Variants in RAP1GDS1 observed in about 807,000 individuals in gnomAD.
The protein encoded by RAP1GDS1 is Rap1 GTPase-GDP dissociation stimulator 1.
Under a neutral mutation model 71.1 loss-of-function variants are expected in RAP1GDS1, and 35 were observed. The observed-to-expected ratio is 0.49, with a 90% confidence interval of 0.38 to 0.65. The LOEUF is 0.65. RAP1GDS1 is among the 30% of genes least tolerant of loss of function. RAP1GDS1 has a pLI of 0.00. For missense variants in RAP1GDS1, 663 were observed against 706.1 expected (o/e 0.94, Z 0.69); for synonymous variants, 229 against 243.1 (o/e 0.94, Z 0.54).
intron 2 of RAP1GDS1, among the ~76,000 whole-genome samples, chr4:98,332,553 T>TGCATGGG (rs1391235939): frequency 6.6e-6 from 1 of 152,204 alleles, no homozygotes; most frequent in Non-Finnish European, 1.5e-5. Context: ...AAGGCAATGA[T>TGCATGGG]GCATGACCTG....
chr4:98,424,878 C>T (rs973311300), intron 12 of RAP1GDS1, among the ~76,000 whole-genome samples: 9 of 152,044 alleles, frequency 5.9e-5, no homozygotes, highest in African/African-American at 2.2e-4. Flanking sequence ...ATACAAGAAG[C>T]TCAAAGAATA....
In RAP1GDS1 at chr4:98,436,993, C is replaced by A. The variant is rs1561019680; in HGVS notation, c.1621C>A (p.Leu541Met). The change falls in exon 14 of 15, where the codon CTG (leucine) becomes ATG (methionine). Residue 541 changes from leucine (L) to methionine (M), a missense_variant. Transcript: ENST00000408927. ...SAKLVQILHR[L>M]LADERSAPEI... The stretch of plus-strand genomic sequence containing the variant: ...TAAACTTGTACAGATTTTACATAGA[C>A]TGCTAGCAGATGAGAGAAGTGCTCC... 6 of 1,612,712 alleles carry A rather than the reference C, an allele frequency of 3.7e-6. No individual in the cohort carries two copies. Among genetic ancestry groups the A allele is most frequent in the Non-Finnish European group, 5.1e-6 (6 of 1,179,560 alleles).
At chr4:98,393,561 A>G (rs1398085431) in intron 6 of RAP1GDS1, among the ~76,000 whole-genome samples, 1 of 152,248 alleles carries the variant, frequency 6.6e-6, no homozygotes, top group African/African-American at 2.4e-5. Flanking sequence ...AAAGTGTAAC[A>G]GAAACATGAT....
chr4:98,280,186 T>G (rs1724849231), intron 1 of RAP1GDS1, among the ~76,000 whole-genome samples: 1 of 152,232 alleles, frequency 6.6e-6, no homozygotes, highest in Non-Finnish European at 1.5e-5. Context: ...ATCGCCACAC[T>G]GTTTTCCACA....
intron 1 of RAP1GDS1, among the ~76,000 whole-genome samples, chr4:98,270,317 C>A (rs1456381245): frequency 6.6e-6 from 1 of 152,098 alleles, no homozygotes; most frequent in Non-Finnish European, 1.5e-5. Flanking sequence ...GTTATAAAAG[C>A]CTGTGATTCC....
intron 12 of RAP1GDS1, among the ~76,000 whole-genome samples, chr4:98,430,805 C>G (rs1253439218): frequency 6.6e-6 from 1 of 152,166 alleles, no homozygotes; most frequent in Non-Finnish European, 1.5e-5. Flanking sequence ...ACAGCTCTCT[C>G]CTTGTGTTGT....
intron 1 of RAP1GDS1, among the ~76,000 whole-genome samples, chr4:98,265,078 A>T (rs1179553763): frequency 1.3e-5 from 2 of 152,244 alleles, no homozygotes; most frequent in Non-Finnish European, 2.9e-5. Flanking sequence ...TCTGTGGTAT[A>T]GGAAAATTTG....
intron 1 of RAP1GDS1, among the ~76,000 whole-genome samples, chr4:98,265,802 AAGGTCTGTTTTTTCAGAACAGTC>A (rs1259400880): frequency 2.6e-5 from 4 of 152,256 alleles, no homozygotes; most frequent in African/African-American, 9.6e-5. Context: ...AATAGTTAAT[AAGGTCTGTTTTTTCAGAACAGTC>A]AGGAGGGTGA....
At chr4:98,317,717 G>A (rs1731145890) in intron 2 of RAP1GDS1, among the ~76,000 whole-genome samples, 1 of 152,092 alleles carries the variant, frequency 6.6e-6, no homozygotes, top group Admixed American at 6.6e-5. Context: ...GTGCCTTAGT[G>A]TGGGGTATGG....
chr4:98,360,179 T>C (rs535041321), intron 4 of RAP1GDS1, among the ~76,000 whole-genome samples: 21 of 152,310 alleles, frequency 1.4e-4, no homozygotes, highest in African/African-American at 4.8e-4. Flanking sequence ...CCAAATACTA[T>C]GTTATAAAAA....
chr4:98,319,080 G>A (rs12650841), intron 2 of RAP1GDS1, among the ~76,000 whole-genome samples: 1 of 152,152 alleles, frequency 6.6e-6, no homozygotes, highest in African/African-American at 2.4e-5. Context: ...TGTACATTAA[G>A]TATGTTGTGG....
intron 2 of RAP1GDS1, among the ~76,000 whole-genome samples, chr4:98,325,095 T>A (rs1732762872): frequency 6.6e-6 from 1 of 151,182 alleles, no homozygotes; most frequent in African/African-American, 2.4e-5. Flanking sequence ...AACAACCCCA[T>A]CAAAAAGTGG....
At chr4:98,305,725 G>C (rs1016996578) in intron 2 of RAP1GDS1, among the ~76,000 whole-genome samples, 2 of 152,216 alleles carry the variant, frequency 1.3e-5, no homozygotes, top group Non-Finnish European at 2.9e-5. Context: ...ATGTTGTGCA[G>C]TTGCCAGAAG....
At chr4:98,296,234 A>G (rs1727729515) in intron 2 of RAP1GDS1, among the ~76,000 whole-genome samples, 3 of 152,100 alleles carry the variant, frequency 2.0e-5, no homozygotes, top group Non-Finnish European at 2.9e-5. Context: ...TTTACAGTCT[A>G]TTACCCTGTT....
At chr4:98,363,535 A>C (rs1213941349) in intron 4 of RAP1GDS1, among the ~76,000 whole-genome samples, 1 of 150,984 alleles carries the variant, frequency 6.6e-6, no homozygotes, top group African/African-American at 2.4e-5. Flanking sequence ...CTGAGAGGGC[A>C]AGGGATTTGG....
intron 13 of RAP1GDS1, among the ~76,000 whole-genome samples, chr4:98,436,656 T>A (rs1751181363): frequency 6.6e-6 from 1 of 152,216 alleles, no homozygotes; most frequent in Non-Finnish European, 1.5e-5. Context: ...CTTTTCTGAT[T>A]TTGCATATGT....
At chr4:98,347,193 G>T (rs1055700723) in intron 3 of RAP1GDS1, among the ~76,000 whole-genome samples, 19 of 152,018 alleles carry the variant, frequency 1.2e-4, no homozygotes, top group African/African-American at 4.3e-4. Context: ...AATATTTGAG[G>T]ATATGTGAGG....
At chr4:98,308,065 G>C (rs1320812770) in intron 2 of RAP1GDS1, among the ~76,000 whole-genome samples, 1 of 151,692 alleles carries the variant, frequency 6.6e-6, no homozygotes, top group Non-Finnish European at 1.5e-5. Context: ...GGCTCACGCA[G>C]GAGGATTGCT....
intron 5 of RAP1GDS1, among the ~76,000 whole-genome samples, chr4:98,389,076 T>C (rs1743213347): frequency 6.7e-6 from 1 of 149,824 alleles, no homozygotes; most frequent in Non-Finnish European, 1.5e-5. Flanking sequence ...CTGGTGTTCA[T>C]GCTAAAATGC....
Sources: gnomAD v4.1 joint callset for allele counts (sites outside exome capture counted in the v4.1 genomes callset) on GRCh38, gnomAD v4.1.1 for gene constraint, MANE v1.5 for transcripts, NCBI Gene and HGNC (gene_info 2026-07-23, HGNC 2026-07-21) for gene names.